Variants in MACROD2 observed in about 807,000 individuals in gnomAD.
The protein encoded by MACROD2 is ADP-ribose glycohydrolase MACROD2.
Under a neutral mutation model 70.4 loss-of-function variants are expected in MACROD2, and 36 were observed. The observed-to-expected ratio is 0.51, with a 90% CI of 0.39 to 0.68. MACROD2 has a LOEUF of 0.68. MACROD2 is among the 30% of genes least tolerant of loss of function. The pLI is 0.00. For synonymous variants in MACROD2, 172 were observed against 178.8 expected, an observed-to-expected ratio of 0.96 and a Z score of 0.30; for missense variants, 496 against 538.4, an observed-to-expected ratio of 0.92 and a Z score of 0.78.
chr20:14,602,014 A>T (rs1982530560), intron 4 of MACROD2, among the ~76,000 whole-genome samples: 1 of 152,176 alleles, frequency 6.6e-6, no homozygotes, highest in Non-Finnish European at 1.5e-5. Flanking sequence ...GCTTCTTGAG[A>T]ACATGGATCA....
chr20:14,963,714 A>G (rs1360276953), intron 5 of MACROD2, among the ~76,000 whole-genome samples: 1 of 152,212 alleles, frequency 6.6e-6, no homozygotes, highest in African/African-American at 2.4e-5. Context: ...GAACTAGAAA[A>G]TAGCTTTTCG....
intron 5 of MACROD2, among the ~76,000 whole-genome samples, chr20:14,977,496 CA>C (rs1419902621): frequency 6.7e-6 from 1 of 150,192 alleles, no homozygotes; most frequent in East Asian, 1.9e-4. Context: ...CACACACACA[CA>C]CACAATTAGG....
At chr20:14,393,774 T>C (rs1220034903) in intron 3 of MACROD2, among the ~76,000 whole-genome samples, 2 of 152,176 alleles carry the variant, frequency 1.3e-5, no homozygotes, top group Non-Finnish European at 2.9e-5. Context: ...AGAATTCATG[T>C]GTTGAAGCCC....
intron 12 of MACROD2, among the ~76,000 whole-genome samples, chr20:15,962,792 A>G (rs1437557606): frequency 6.6e-6 from 1 of 152,160 alleles, no homozygotes; most frequent in African/African-American, 2.4e-5. Context: ...ACTATAGCTC[A>G]TTTGGGTCTC....
intron 8 of MACROD2, among the ~76,000 whole-genome samples, chr20:15,655,585 G>A (rs1050403903): frequency 5.9e-5 from 9 of 152,158 alleles, no homozygotes; most frequent in Non-Finnish European, 1.2e-4. Context: ...TTTAAAAGTT[G>A]TGTAACATTA....
At chr20:14,414,931 T>G (rs2083787735) in intron 3 of MACROD2, among the ~76,000 whole-genome samples, 1 of 75,016 alleles carries the variant, frequency 1.3e-5, no homozygotes, top group Non-Finnish European at 3.2e-5. Context: ...TGCTTTATGT[T>G]TTTTTTTTTT....
intron 5 of MACROD2, among the ~76,000 whole-genome samples, chr20:14,910,206 C>T (rs1025138414): frequency 1.3e-5 from 2 of 152,170 alleles, no homozygotes; most frequent in Non-Finnish European, 2.9e-5. Flanking sequence ...ATCATATTTT[C>T]CTCTCTATTC....
At chr20:15,490,053 A>C (rs1341826337) in intron 7 of MACROD2, among the ~76,000 whole-genome samples, 4 of 152,096 alleles carry the variant, frequency 2.6e-5, no homozygotes, top group Admixed American at 2.6e-4. Flanking sequence ...ATGCAAGTCC[A>C]AACTGCCTTA....
In MACROD2 at chr20:14,954,586, A is replaced by G. The variant is rs1331625960; in HGVS notation, c.418+269627A>G. ...AAATATATAAATGTATAAATTATAAATTATATATAATAATTATATAGTTAT... is the reference window on the plus strand; with the variant it reads ...AAATATATAAATGTATAAATTATAAGTTATATATAATAATTATATAGTTAT... On this transcript the variant is annotated intron_variant, in intron 5 of 17. Coordinates refer to ENST00000684519, the MANE Select transcript of MACROD2 (RefSeq NM_001351661.2). 1.2e-4 allele frequency among the ~76,000 whole-genome samples: 16 copies of G among 135,900 alleles called. 1 individual carries two copies. Among genetic ancestry groups the G allele is most frequent in the Admixed American group, 1.1e-3 (14 of 12,486 alleles). The allele number at this position is 135,900 out of a possible 152,430, so 89.2% of individuals were successfully genotyped here. A position where few individuals can be genotyped will look rare whatever the true frequency, so the allele number is the denominator to read the frequency against.
intron 5 of MACROD2, among the ~76,000 whole-genome samples, chr20:14,988,364 A>AG (rs928345778): frequency 6.6e-5 from 10 of 151,272 alleles, no homozygotes; most frequent in African/African-American, 2.4e-4. Context: ...TCAAAAAAAA[A>AG]AAAAAAAAAA....
chr20:14,976,854 A>C (rs901737535), intron 5 of MACROD2, among the ~76,000 whole-genome samples: 4 of 152,178 alleles, frequency 2.6e-5, no homozygotes, highest in Non-Finnish European at 5.9e-5. Flanking sequence ...CAAGGCATGC[A>C]CAGTGTGGCA....
intron 4 of MACROD2, among the ~76,000 whole-genome samples, chr20:14,597,924 T>A (rs1982248262): frequency 6.6e-6 from 1 of 152,172 alleles, no homozygotes; most frequent in South Asian, 2.1e-4. Context: ...TTATACTCAG[T>A]TATTTATTGT....
intron 15 of MACROD2, among the ~76,000 whole-genome samples, chr20:16,003,188 G>A (rs35209217): frequency 0.066 from 10,011 of 151,630 alleles, 350 homozygotes; most frequent in African/African-American, 0.087. Flanking sequence ...CTGGATGGAA[G>A]TTCTTAAAAT....
intron 3 of MACROD2, among the ~76,000 whole-genome samples, chr20:14,192,126 C>T (rs2081394179): frequency 6.6e-6 from 1 of 152,176 alleles, no homozygotes; most frequent in Non-Finnish European, 1.5e-5. Flanking sequence ...CCTTCATTCT[C>T]ACTTTCTCTT....
At chr20:15,035,551 C>T (rs970050362) in intron 5 of MACROD2, among the ~76,000 whole-genome samples, 1 of 152,168 alleles carries the variant, frequency 6.6e-6, no homozygotes, top group African/African-American at 2.4e-5. Context: ...CCTTTCCCCA[C>T]CCATCTGCAC....
intron 2 of MACROD2, among the ~76,000 whole-genome samples, chr20:14,080,459 A>AAAG: frequency 6.6e-6 from 1 of 151,414 alleles, no homozygotes; most frequent in Non-Finnish European, 1.5e-5. Context: ...AAAAAAAAAA[A>AAAG]AAAAAATCTA....
intron 5 of MACROD2, among the ~76,000 whole-genome samples, chr20:14,847,091 G>GAAAAAAGA (rs1555837452): frequency 6.6e-6 from 1 of 151,520 alleles, no homozygotes; most frequent in Non-Finnish European, 1.5e-5. Context: ...TTAGACAAAA[G>GAAAAAAGA]AAAAAAAAGT....
At chr20:15,649,502 A>G (rs1436402637) in intron 8 of MACROD2, among the ~76,000 whole-genome samples, 4 of 152,050 alleles carry the variant, frequency 2.6e-5, no homozygotes, top group East Asian at 3.9e-4. Flanking sequence ...TCCAAATCTC[A>G]TAGCCTCAAC....
At chr20:14,522,105 G>A (rs972962682) in intron 4 of MACROD2, among the ~76,000 whole-genome samples, 11 of 152,238 alleles carry the variant, frequency 7.2e-5, no homozygotes, top group Non-Finnish European at 1.0e-4. Context: ...GTTCTAATCC[G>A]AGCAGCTCTT....
Sources: gnomAD v4.1 joint callset for allele counts (sites outside exome capture counted in the v4.1 genomes callset) on GRCh38, gnomAD v4.1.1 for gene constraint, MANE v1.5 for transcripts, NCBI Gene and HGNC (gene_info 2026-07-23, HGNC 2026-07-21) for gene names.